Variants in PIWIL4 observed in about 807,000 individuals in gnomAD.
PIWIL4 encodes the protein piwi like RNA-mediated gene silencing 4, also known as piwi-like protein 4.
A neutral mutation model predicts 100.9 loss-of-function variants in PIWIL4; 50 were observed. The observed-to-expected ratio is 0.50, with a 90% CI of 0.39 to 0.63. The LOEUF (loss-of-function observed/expected upper bound fraction) is 0.63. PIWIL4 is among the 20% of genes least tolerant of loss of function. The pLI is 0.00. For synonymous variants in PIWIL4, 342 were observed against 367.5 expected, an observed-to-expected ratio of 0.93 and a Z score of 0.79; for missense variants, 887 against 1,043.3, an observed-to-expected ratio of 0.85 and a Z score of 2.06.
chr11:94,575,047 G>T lies in PIWIL4; in HGVS notation c.215G>T (p.Arg72Ile). ...SGDAGSTFMERGVKNKQDFMD... is the reference protein window; with the variant it reads ...SGDAGSTFMEIGVKNKQDFMD... Reference sequence around the variant, plus strand: ...GATGCTGGAAGTACCTTCATGGAAAGAGGTGTGAAAAACAAACAGGACTTT... The same window carrying T: ...GATGCTGGAAGTACCTTCATGGAAATAGGTGTGAAAAACAAACAGGACTTT... Residue 72 changes from arginine (R) to isoleucine (I), a missense_variant, in exon 3 of 20, where the codon AGA becomes ATA. Physicochemically the swap from Arg to Ile is moderately conservative, Grantham distance 97. This residue lies in a region of PIWIL4 where 146 missense variants were observed against 113.4 expected (regional missense o/e 1.29). Transcript: ENST00000299001. 1 of 1,613,488 alleles carries T rather than the reference G, an allele frequency of 6.2e-7. No individual in the cohort carries two copies. Among genetic ancestry groups the T allele is most frequent in the Non-Finnish European group, 8.5e-7 (1 of 1,179,472 alleles).
intron 15 of PIWIL4, among the ~76,000 whole-genome samples, chr11:94,613,280 T>G (rs1948806579): frequency 6.6e-6 from 1 of 152,220 alleles, no homozygotes; most frequent in African/African-American, 2.4e-5. Flanking sequence ...TTGGAATATA[T>G]CATCTCATTC....
chr11:94,567,643 C>T (rs1176093230), intron 1 of PIWIL4, 38 bp downstream of exon 1: 1 of 1,543,162 alleles, frequency 6.5e-7, no homozygotes, highest in Non-Finnish European at 8.8e-7. Context: ...TTCGTTTTCT[C>T]CTACCTCTGT....
At chr11:94,591,010 T>C (rs181743399) in intron 8 of PIWIL4, among the ~76,000 whole-genome samples, 28 of 151,746 alleles carry the variant, frequency 1.8e-4, no homozygotes, top group African/African-American at 5.6e-4. Flanking sequence ...AGGAAGTTTA[T>C]CTGTCTACCT....
chr11:94,580,864 ATGTGTTGATCACT>A (rs1948301684), intron 4 of PIWIL4, among the ~76,000 whole-genome samples: 1 of 135,756 alleles, frequency 7.4e-6, no homozygotes. Context: ...ATCAGATTAC[ATGTGTTGATCACT>A]TACTCTGCCA....
intron 8 of PIWIL4, among the ~76,000 whole-genome samples, chr11:94,592,607 A>G (rs541334542): frequency 6.6e-6 from 1 of 152,330 alleles, no homozygotes; most frequent in East Asian, 1.9e-4. Context: ...TGAAATATAG[A>G]AATGCTCACA....
chr11:94,585,665 T>A (rs899125534), intron 6 of PIWIL4, 140 bp downstream of exon 6: 10 of 594,126 alleles, frequency 1.7e-5, no homozygotes, highest in Non-Finnish European at 2.1e-5. Context: ...AATTTTCAAG[T>A]TTTTTTAATA....
chr11:94,589,357 GTC>G, intron 8 of PIWIL4, 125 bp downstream of exon 8: 1 of 730,388 alleles, frequency 1.4e-6, no homozygotes, highest in Non-Finnish European at 2.3e-6. Context: ...TCTCTGACTT[GTC>G]TCTCTCCTTC....
chr11:94,595,366 C>CTGAG lies in PIWIL4; in HGVS notation c.1208_1209insTGAG (p.Arg404GlufsTer28), dbSNP rs1948542262. 6.2e-7 allele frequency: 1 copy of CTGAG among 1,614,038 alleles called. No homozygotes were observed. The highest frequency in any genetic ancestry group is 1.6e-4 in the Middle Eastern group (1 of 6,062). ...CTGATGAAGGCTGTGGCTGAAAAGA[C>CTGAG]ACGTCTCAGTCCTTCAGGCCGGCAG... On this transcript the variant is annotated frameshift_variant, in exon 10 of 20. Transcript: ENST00000299001. LOFTEE classifies it high-confidence loss of function.
intron 13 of PIWIL4, 96 bp from the exon 14 acceptor site, chr11:94,607,343 T>A (rs1289919357): frequency 8.8e-7 from 1 of 1,130,370 alleles, no homozygotes; most frequent in Non-Finnish European, 1.3e-6. Context: ...GGGTAAAAGA[T>A]GTTTGGAGAA....
chr11:94,602,280 A>G (rs1591796986), intron 12 of PIWIL4, among the ~76,000 whole-genome samples: 1 of 152,324 alleles, frequency 6.6e-6, no homozygotes, highest in East Asian at 1.9e-4. Context: ...TGTCTTCTCA[A>G]CTGTTTTTCC....
At position 94,619,777 on chromosome 11, in the gene PIWIL4, T is replaced by C. The variant is rs149230455; in HGVS notation, c.2186T>C (p.Ile729Thr). The C allele has an allele frequency of 9.3e-4, 1,495 of 1,614,036 alleles. 2 individuals are homozygous for C. The highest frequency in any genetic ancestry group is 2.5e-3 in the South Asian group (224 of 91,048). ...SSNTSSRLSV[I>T]VVRKKCMPRF... ...ATTTTTAGCTCAAGACTGTCGGTGATTGTGGTCAGGAAGAAGTGCATGCCA... is the reference window on the plus strand; with the variant it reads ...ATTTTTAGCTCAAGACTGTCGGTGACTGTGGTCAGGAAGAAGTGCATGCCA... The change falls in exon 18 of 20, where the codon ATT becomes ACT. Residue 729 changes from isoleucine to threonine, a missense_variant. Physicochemically the swap from Ile to Thr is moderately conservative, Grantham distance 89. Coordinates refer to ENST00000299001, the MANE Select transcript of PIWIL4 (RefSeq NM_152431.3).
intron 7 of PIWIL4, among the ~76,000 whole-genome samples, chr11:94,588,027 T>C (rs952521114): frequency 1.3e-5 from 2 of 152,178 alleles, no homozygotes; most frequent in African/African-American, 4.8e-5. Flanking sequence ...AAGTGTGCCA[T>C]GGTGGTTTGC....
chr11:94,580,060 T>G (rs2135247655), intron 4 of PIWIL4, among the ~76,000 whole-genome samples: 1 of 152,290 alleles, frequency 6.6e-6, no homozygotes, highest in Non-Finnish European at 1.5e-5. Flanking sequence ...AATGAGCATG[T>G]AGTATGTGTC....
At chr11:94,568,228 C>T (rs1948103082) in intron 1 of PIWIL4, among the ~76,000 whole-genome samples, 1 of 152,048 alleles carries the variant, frequency 6.6e-6, no homozygotes. Context: ...TTTTAGCAGG[C>T]CAAGATGGAG....
intron 15 of PIWIL4, among the ~76,000 whole-genome samples, chr11:94,608,954 T>C (rs780705365): frequency 3.3e-5 from 5 of 152,212 alleles, no homozygotes; most frequent in Non-Finnish European, 7.3e-5. Flanking sequence ...TTCTTGTGCA[T>C]TTATTTATTT....
At chr11:94,594,635 C>T (rs960085560) in intron 9 of PIWIL4, among the ~76,000 whole-genome samples, 1 of 151,812 alleles carries the variant, frequency 6.6e-6, no homozygotes, top group Non-Finnish European at 1.5e-5. Context: ...CGGGTTCAAG[C>T]GATTTTCCTG....
chr11:94,593,730 A>C, intron 9 of PIWIL4, 89 bp downstream of exon 9: 1 of 1,417,212 alleles, frequency 7.1e-7, no homozygotes, highest in South Asian at 1.4e-5. Context: ...AGTTACATGA[A>C]TGCCAGGACA....
intron 6 of PIWIL4, among the ~76,000 whole-genome samples, 162 bp from the exon 7 acceptor site, chr11:94,586,888 A>G (rs1948407570): frequency 6.6e-6 from 1 of 152,230 alleles, no homozygotes; most frequent in East Asian, 1.9e-4. Context: ...ACTGCAGCTG[A>G]AAAAAAGTTT....
intron 15 of PIWIL4, among the ~76,000 whole-genome samples, chr11:94,614,377 A>G (rs1484761627): frequency 7.1e-6 from 1 of 140,084 alleles, no homozygotes; most frequent in Non-Finnish European, 1.5e-5. Flanking sequence ...GTGCGATCTC[A>G]GCTCACTGAA....
Sources: gnomAD v4.1 joint callset for allele counts (sites outside exome capture counted in the v4.1 genomes callset) on GRCh38, gnomAD v4.1.1 for gene constraint, gnomAD v4.1.1 regional missense constraint, MANE v1.5 for transcripts, NCBI Gene and HGNC (gene_info 2026-07-23, HGNC 2026-07-21) for gene names.